MANBAL: variants seen among roughly 807,000 people sequenced by gnomAD.
MANBAL encodes protein MANBAL.
A neutral mutation model predicts 6.4 loss-of-function variants in MANBAL; 1 was observed. The observed-to-expected ratio is 0.16, with a 90% CI of 0.06 to 0.74. The LOEUF is 0.74. Ranked by LOEUF, MANBAL falls within the 30% of genes least tolerant of loss-of-function variation. MANBAL has a pLI of 0.78. For synonymous variants in MANBAL, 47 were observed against 45.8 expected, an observed-to-expected ratio of 1.03 and a Z score of -0.10; for missense variants, 100 against 107.8, an observed-to-expected ratio of 0.93 and a Z score of 0.32.
intron 1 of MANBAL, among the ~76,000 whole-genome samples, chr20:37,294,024 C>G (rs543478739): frequency 6.6e-6 from 1 of 152,224 alleles, no homozygotes; most frequent in African/African-American, 2.4e-5. Flanking sequence ...CGGGCTCAAG[C>G]AATCCTCCTG....
intron 1 of MANBAL, chr20:37,297,422 C>T (rs1188516591): frequency 6.6e-6 from 1 of 152,130 alleles, no homozygotes; most frequent in East Asian, 1.9e-4. Flanking sequence ...GAGCCTCAAG[C>T]TTTGAAGGCC....
At chr20:37,298,615 G>GT (rs1267614868) in intron 1 of MANBAL, 1 of 152,034 alleles carries the variant, frequency 6.6e-6, no homozygotes, top group Non-Finnish European at 1.5e-5. Context: ...ATACTCCATT[G>GT]TATGTATATA....
chr20:37,312,816 T>C (rs1361422561), intron 2 of MANBAL, among the ~76,000 whole-genome samples: 1 of 152,216 alleles, frequency 6.6e-6, no homozygotes, highest in African/African-American at 2.4e-5. Context: ...CAGCTGTTGT[T>C]ATTATTGGCA....
At chr20:37,300,816 A>T (rs2069116319) in intron 1 of MANBAL, among the ~76,000 whole-genome samples, 1 of 152,096 alleles carries the variant, frequency 6.6e-6, no homozygotes, top group African/African-American at 2.4e-5. Flanking sequence ...TCCTGTATAT[A>T]TTCTTGGGTG....
chr20:37,309,519 C>T (rs772939255), intron 2 of MANBAL, among the ~76,000 whole-genome samples: 17 of 152,180 alleles, frequency 1.1e-4, no homozygotes, highest in Non-Finnish European at 2.1e-4. Flanking sequence ...GCCAGCATTG[C>T]GATCTAGTGG....
chr20:37,301,685 G>A (rs2069140843), intron 2 of MANBAL, among the ~76,000 whole-genome samples: 1 of 152,238 alleles, frequency 6.6e-6, no homozygotes, highest in Non-Finnish European at 1.5e-5. Flanking sequence ...TAGTCCTTGG[G>A]AGGAAGGCAG....
chr20:37,293,299 A>G (rs1392773889), intron 1 of MANBAL, among the ~76,000 whole-genome samples: 1 of 152,216 alleles, frequency 6.6e-6, no homozygotes. Flanking sequence ...TCCTACAACT[A>G]GACAGTCCCG....
chr20:37,314,383 G>T (rs1048116256), intron 2 of MANBAL, among the ~76,000 whole-genome samples: 4 of 152,112 alleles, frequency 2.6e-5, no homozygotes, highest in African/African-American at 9.7e-5. Flanking sequence ...GAATGGTTGA[G>T]GCTCTAGAGA....
intron 1 of MANBAL, among the ~76,000 whole-genome samples, chr20:37,292,358 G>T (rs2068891111): frequency 6.6e-6 from 1 of 152,196 alleles, no homozygotes; most frequent in African/African-American, 2.4e-5. Context: ...CTGGAGTGCA[G>T]TGGTGCAGTC....
intron 2 of MANBAL, among the ~76,000 whole-genome samples, chr20:37,307,565 T>A (rs1279649171): frequency 6.6e-6 from 1 of 152,090 alleles, no homozygotes; most frequent in Non-Finnish European, 1.5e-5. Flanking sequence ...AAGACCAGCC[T>A]GGCCAACATG....
chr20:37,300,167 A>G lies in MANBAL; in HGVS notation c.-56-1041A>G, dbSNP rs187990007. Among the ~76,000 whole-genome samples the G allele has an allele frequency of 1.6e-3, 246 of 152,082 alleles. 2 individuals carry two copies. Among genetic ancestry groups the G allele is most frequent in the African/African-American group, 5.4e-3 (225 of 41,478 alleles). On this transcript the variant is annotated intron_variant, in intron 1 of 2. Transcript: ENST00000373606. The stretch of plus-strand genomic sequence containing the variant: ...CTTCAGTGGCTTTACATTTTACTCA[A>G]TCAAATTGGAGGTATCAGGGTCCGC...
At chr20:37,289,738 G>C (rs1343385065) in intron 1 of MANBAL, 52 bp downstream of exon 1, 1 of 152,320 alleles carries the variant, frequency 6.6e-6, no homozygotes, top group Non-Finnish European at 1.5e-5. Context: ...AGCCGTCCTC[G>C]GTGCGGTGGC....
chr20:37,294,920 C>T (rs1165557956), intron 1 of MANBAL, among the ~76,000 whole-genome samples: 1 of 152,226 alleles, frequency 6.6e-6, no homozygotes, highest in Non-Finnish European at 1.5e-5. Flanking sequence ...CAGGGGTGAA[C>T]TTCGCAGTGT....
In MANBAL at chr20:37,301,424, C is replaced by G. The variant is rs770727192; in HGVS notation, c.150+11C>G. The stretch of plus-strand genomic sequence containing the variant: ...AAGTCCCACGAGGCGGTGAGTTTTT[C>G]CCTGGGAGCCTCAGCTCCTCTGAGT... On this transcript the variant is annotated intron_variant, in intron 2 of 2. Transcript: ENST00000373606. 104 of 1,608,170 alleles carry G rather than the reference C, an allele frequency of 6.5e-5. No individual in the cohort carries two copies. The Middle Eastern group carries it at 8.3e-4, about 13-fold the overall frequency.
chr20:37,299,773 C>T (rs1475480538), intron 1 of MANBAL, among the ~76,000 whole-genome samples: 1 of 152,180 alleles, frequency 6.6e-6, no homozygotes, highest in African/African-American at 2.4e-5. Context: ...GCCTTAGAGG[C>T]AGAGTGGGGG....
intron 1 of MANBAL, among the ~76,000 whole-genome samples, chr20:37,295,614 A>G (rs1345611160): frequency 1.3e-5 from 2 of 152,336 alleles, no homozygotes; most frequent in Admixed American, 1.3e-4. Context: ...TGGGGAAGCC[A>G]GCCCCTTTGA....
intron 2 of MANBAL, among the ~76,000 whole-genome samples, chr20:37,309,759 TG>T (rs2069339654): frequency 6.6e-6 from 1 of 152,080 alleles, no homozygotes; most frequent in Non-Finnish European, 1.5e-5. Flanking sequence ...ACAAGGGTCT[TG>T]ATTTTAAACG....
chr20:37,295,136 T>G (rs974602523), intron 1 of MANBAL, among the ~76,000 whole-genome samples: 13 of 152,086 alleles, frequency 8.5e-5, no homozygotes, highest in African/African-American at 3.1e-4. Context: ...GCCTCTCAGC[T>G]CCTCCTTGTC....
Position 37,301,204 on chromosome 20 carries a change from C to G in MANBAL, c.-56-4C>G. On this transcript the variant is annotated splice_polypyrimidine_tract_variant and splice_region_variant and intron_variant, in intron 1 of 2. Coordinates refer to ENST00000373606, the MANE Select transcript of MANBAL (RefSeq NM_001003897.2). ...ATATGACACTGACCCTTTGCATTTA[C>G]AAGTTGGTTCTAAAGAGTGGTGAGT... The G allele has an allele frequency of 7.0e-7, 1 of 1,425,096 alleles. No homozygotes were observed. Among genetic ancestry groups the G allele is most frequent in the Non-Finnish European group, 9.3e-7 (1 of 1,077,004 alleles). 88.3% of individuals were successfully genotyped at this position (1,425,096 alleles called of 1,614,324 possible).
Sources: gnomAD v4.1 joint callset for allele counts (sites outside exome capture counted in the v4.1 genomes callset) on GRCh38, gnomAD v4.1.1 for gene constraint, MANE v1.5 for transcripts, NCBI Gene and HGNC (gene_info 2026-07-23, HGNC 2026-07-21) for gene names.